Variants in VPS26B observed in about 807,000 individuals in gnomAD.
VPS26B encodes the protein VPS26 retromer complex component B.
A neutral mutation model predicts 33.3 loss-of-function variants in VPS26B; 10 were observed. The observed-to-expected ratio is 0.30, with a 90% CI of 0.19 to 0.51. The LOEUF (loss-of-function observed/expected upper bound fraction) is 0.51. VPS26B is among the 20% of genes least tolerant of loss of function. The pLI, the probability that VPS26B is intolerant of heterozygous loss-of-function variation, is 0.98. For missense variants in VPS26B, 317 were observed against 452.7 expected, an observed-to-expected ratio of 0.70 and a Z score of 2.72; for synonymous variants, 190 against 176.9, an observed-to-expected ratio of 1.07 and a Z score of -0.59.
At chr11:134,239,177 C>G (rs1565357749) in intron 2 of VPS26B, among the ~76,000 whole-genome samples, 1 of 152,114 alleles carries the variant, frequency 6.6e-6, no homozygotes, top group Non-Finnish European at 1.5e-5. Context: ...AGCGTCCTCC[C>G]CAGGGATCCT....
At chr11:134,238,619 G>A (rs781156368) in intron 2 of VPS26B, among the ~76,000 whole-genome samples, 6 of 152,002 alleles carry the variant, frequency 3.9e-5, no homozygotes, top group Non-Finnish European at 5.9e-5. Context: ...TTTTTTAGAC[G>A]GAGTCTCGCT....
rs755629059 is a variant in VPS26B, at chr11:134,239,920, A to G, written c.381-71A>G. ...GTACAGGCTTCTCTCAAGTGGGCCAATTTGGTACCTATATCTAGGTAGCAT... is the reference window on the plus strand; with the variant it reads ...GTACAGGCTTCTCTCAAGTGGGCCAGTTTGGTACCTATATCTAGGTAGCAT... On this transcript the variant is annotated intron_variant, in intron 2 of 5. Transcript: ENST00000281187. The G allele has an allele frequency of 6.9e-6, 11 of 1,591,752 alleles. No individual in the cohort carries two copies. In the Admixed American group the frequency reaches 1.5e-4, roughly 22 times the overall value.
intron 2 of VPS26B, among the ~76,000 whole-genome samples, chr11:134,239,122 C>T (rs1042659557): frequency 2.0e-5 from 3 of 152,118 alleles, no homozygotes; most frequent in African/African-American, 7.2e-5. Flanking sequence ...CTTGTTAAAC[C>T]CTTCAGGGCT....
rs748557691 is a variant in VPS26B at position 134,244,931 on chromosome 11, C to A, written c.722-7C>A. The A allele has an allele frequency of 6.2e-7, 1 of 1,611,898 alleles. No individual in the cohort carries two copies. Among genetic ancestry groups the A allele is most frequent in the Non-Finnish European group, 8.5e-7 (1 of 1,179,832 alleles). ...CCCCTGTGCTGACTCCTGCCCTCCC[C>A]CTACAGGAGAGTCCATCCCGATCCG... On this transcript the variant is annotated splice_region_variant and splice_polypyrimidine_tract_variant and intron_variant, in intron 4 of 5. Transcript: ENST00000281187. The surrounding 1 kb of genome is among the most constrained non-coding windows in gnomAD (Gnocchi z 4.0).
chr11:134,242,434 C>A (rs899111968), intron 3 of VPS26B, among the ~76,000 whole-genome samples: 5 of 152,238 alleles, frequency 3.3e-5, no homozygotes, highest in African/African-American at 1.2e-4. Flanking sequence ...GCATTCTTAT[C>A]CTGTGAGCTG....
intron 2 of VPS26B, 86 bp downstream of exon 2, chr11:134,235,139 C>T (rs971793583): frequency 6.8e-7 from 1 of 1,474,130 alleles, no homozygotes; most frequent in Non-Finnish European, 9.2e-7. Flanking sequence ...CTTTGAGAAT[C>T]TTCACAGGGA....
chr11:134,231,826 G>A (rs1938559744), intron 1 of VPS26B, among the ~76,000 whole-genome samples: 1 of 152,184 alleles, frequency 6.6e-6, no homozygotes, highest in Non-Finnish European at 1.5e-5. Context: ...GCCTCCCAAA[G>A]TGCTGGGATT....
Position 134,240,015 on chromosome 11 carries a change from C to G in VPS26B, c.405C>G (p.Ser135Arg), listed in dbSNP as rs1426849194. Residue 135 changes from serine (S) to arginine (R), a missense_variant, in exon 3 of 6, where the codon AGC (serine) becomes AGG (arginine). Ser to Arg is a moderately radical substitution (Grantham distance 110). Transcript: ENST00000281187. The surrounding 1 kb of genome is among the most constrained non-coding windows in gnomAD (Gnocchi z 4.4). Reference sequence around the variant, plus strand: ...GCTATTTCCTTCGTGCTACCATCAGCCGCCGCCTCAATGATGTTGTCAAAG... The same window carrying G: ...GCTATTTCCTTCGTGCTACCATCAGGCGCCGCCTCAATGATGTTGTCAAAG... ...KLRYFLRATI[S>R]RRLNDVVKEM... 4.3e-6 allele frequency: 7 copies of G among 1,614,174 alleles called. No homozygotes were observed. The highest frequency in any genetic ancestry group is 5.1e-6 in the Non-Finnish European group (6 of 1,180,042).
Position 134,225,111 on chromosome 11 carries a change from C to T in VPS26B, c.-12C>T. On this transcript the variant is annotated 5_prime_UTR_variant, in exon 1 of 6. Transcript: ENST00000281187. ...GCGGTCCTTACCGAGACCCGCCCGG[C>T]CCGGCGGTGCGATGAGCTTCTTCGG... 2 of 1,591,504 alleles carry T rather than the reference C, an allele frequency of 1.3e-6. No individual in the cohort carries two copies. The highest frequency in any genetic ancestry group is 1.1e-5 in the South Asian group (1 of 89,302).
At position 134,225,317 on chromosome 11, in the gene VPS26B, C is replaced by T. The variant is rs1488877059; in HGVS notation, c.195C>T (p.Gly65=). 6.2e-7 allele frequency: 1 copy of T among 1,613,870 alleles called. No individual in the cohort carries two copies. The highest frequency in any genetic ancestry group is 1.7e-5 in the Admixed American group (1 of 60,012). The change falls in exon 1 of 6, where the codon GGC becomes GGT. Residue 65 remains glycine (G), a synonymous_variant. Transcript: ENST00000281187. ...CCAACAAGCGGCTGGAGCACCAGGG[C>T]ATCAAGATCGAGTTCATCGGGCAGA... is the stretch of plus-strand genomic sequence containing the variant. ...KNPNKRLEHQ[G]IKIEFIGQIE...
At chr11:134,242,587 C>T (rs2136053231) in intron 3 of VPS26B, among the ~76,000 whole-genome samples, 1 of 152,368 alleles carries the variant, frequency 6.6e-6, no homozygotes, top group East Asian at 1.9e-4. Flanking sequence ...ACTCACAAGG[C>T]CAGGCCAGCG....
At position 134,244,984 on chromosome 11, in the gene VPS26B, G is replaced by A. The variant is rs897983802; in HGVS notation, c.768G>A (p.Thr256=). 5.0e-6 allele frequency: 8 copies of A among 1,613,914 alleles called. No individual in the cohort carries two copies. The highest frequency in any genetic ancestry group is 1.1e-5 in the South Asian group (1 of 91,084). ...TCTTCCTGGCCGGGTATGAGCTCAC[G>A]CCCACCATGCGGGACATCAACAAGA... The part of the protein sequence containing the change: ...IRLFLAGYEL[T]PTMRDINKKF... The change falls in exon 5 of 6, where the codon ACG becomes ACA. Residue 256 remains threonine, a synonymous_variant. Coordinates refer to ENST00000281187, the MANE Select transcript of VPS26B (RefSeq NM_052875.5). The surrounding 1 kb of genome is among the most constrained non-coding windows in gnomAD (Gnocchi z 4.0).
At chr11:134,231,383 A>G (rs1037973402) in intron 1 of VPS26B, among the ~76,000 whole-genome samples, 1 of 152,232 alleles carries the variant, frequency 6.6e-6, no homozygotes, top group Non-Finnish European at 1.5e-5. Context: ...CCTACTTAAC[A>G]AGCTGCTGGT....
At chr11:134,225,376 G>T (rs1437368930) in intron 1 of VPS26B, 31 bp downstream of exon 1, 1 of 1,609,592 alleles carries the variant, frequency 6.2e-7, no homozygotes, top group Non-Finnish European at 8.5e-7. Flanking sequence ...CCCTCCCCCA[G>T]CGCCGACAGC....
chr11:134,240,794 C>CGTGTGTGTGTGTGTGT lies in VPS26B; in HGVS notation c.545+658_545+673dup, dbSNP rs55726358. Among the ~76,000 whole-genome samples, 29 of 138,530 alleles carry CGTGTGTGTGTGTGTGT rather than the reference C, an allele frequency of 2.1e-4. No homozygotes were observed. Among genetic ancestry groups the CGTGTGTGTGTGTGTGT allele is most frequent in the African/African-American group, 4.4e-4 (16 of 36,446 alleles). 90.9% of individuals were successfully genotyped at this position (138,530 alleles called of 152,430 possible). Reference sequence around the variant, plus strand: ...GTGTCCGTGTGTGTGTGTGTGTGTCCGTGTGTGTGTGTGTGTGTGTGTGTG... The same window carrying CGTGTGTGTGTGTGTGT: ...GTGTCCGTGTGTGTGTGTGTGTGTCCGTGTGTGTGTGTGTGTGTGTGTGTGTGTGTGTGTGTGTGTG... On this transcript the variant is annotated intron_variant, in intron 3 of 5. Transcript: ENST00000281187. This position sits in a 1 kb window ranked among gnomAD's most constrained non-coding sequence, Gnocchi z 4.4.
rs1938420848 is a variant in VPS26B, at chr11:134,225,155, G to A, written c.33G>A (p.Glu11=). The part of the protein sequence containing the change: MSFFGFGQSV[E]VEILLNDAES... Reference sequence around the variant, plus strand: ...TCTTCGGCTTCGGGCAGAGCGTGGAGGTGGAAATCCTTCTGAACGATGCAG... The same window carrying A: ...TCTTCGGCTTCGGGCAGAGCGTGGAAGTGGAAATCCTTCTGAACGATGCAG... Residue 11 remains glutamate, a synonymous_variant, in exon 1 of 6, where the codon GAG becomes GAA. Coordinates refer to ENST00000281187, the MANE Select transcript of VPS26B (RefSeq NM_052875.5). The A allele has an allele frequency of 6.2e-7, 1 of 1,613,306 alleles. No homozygotes were observed. Among genetic ancestry groups the A allele is most frequent in the South Asian group, 1.1e-5 (1 of 91,052 alleles).
chr11:134,246,882 C>A lies in VPS26B; in HGVS notation c.*1292C>A, dbSNP rs1938837582. On this transcript the variant is annotated 3_prime_UTR_variant, in exon 6 of 6. Transcript: ENST00000281187. ...TTCTGCTTCCCCTGGAAATGACAGGCATTACTCTCCCATTGGCCTCCCTTC... is the reference window on the plus strand; with the variant it reads ...TTCTGCTTCCCCTGGAAATGACAGGAATTACTCTCCCATTGGCCTCCCTTC... 6.6e-6 allele frequency: 1 copy of A among 152,152 alleles called. No individual in the cohort carries two copies. Among genetic ancestry groups the A allele is most frequent in the South Asian group, 2.1e-4 (1 of 4,830 alleles). 9.4% of individuals were successfully genotyped at this position (152,152 alleles called of 1,614,324 possible). A position where few individuals can be genotyped will look rare whatever the true frequency, so the allele number is the denominator to read the frequency against.
At chr11:134,225,788 A>T (rs937001087) in intron 1 of VPS26B, among the ~76,000 whole-genome samples, 23 of 151,992 alleles carry the variant, frequency 1.5e-4, no homozygotes, top group African/African-American at 5.5e-4. Context: ...ACGCAAAGTG[A>T]GGCTCGTCCA....
Position 134,240,479 on chromosome 11 carries a change from C to T in VPS26B, c.545+324C>T, listed in dbSNP as rs949895742. 1.3e-5 allele frequency among the ~76,000 whole-genome samples: 2 copies of T among 152,204 alleles called. No individual in the cohort carries two copies. The highest frequency in any genetic ancestry group is 2.4e-5 in the African/African-American group (1 of 41,452). ...TGGAATTCCAGCTTCAGCTGTTTCCCGCTACTGCTAAGAACAATCTCAGAA... is the reference window on the plus strand; with the variant it reads ...TGGAATTCCAGCTTCAGCTGTTTCCTGCTACTGCTAAGAACAATCTCAGAA... On this transcript the variant is annotated intron_variant, in intron 3 of 5. Transcript: ENST00000281187. The surrounding 1 kb of genome is among the most constrained non-coding windows in gnomAD (Gnocchi z 4.4).
Sources: gnomAD v4.1 joint callset for allele counts (sites outside exome capture counted in the v4.1 genomes callset) on GRCh38, gnomAD v4.1.1 for gene constraint, Gnocchi (gnomAD v3.1) non-coding constraint, MANE v1.5 for transcripts, NCBI Gene and HGNC (gene_info 2026-07-23, HGNC 2026-07-21) for gene names.